Variants in TMCO4 observed in about 807,000 individuals in gnomAD.
The protein encoded by TMCO4 is transmembrane and coiled-coil domains 4.
In TMCO4, 58 loss-of-function variants were observed where a neutral mutation model predicts 64.7. The observed-to-expected ratio is 0.90, with a 90% confidence interval of 0.73 to 1.12. The LOEUF is 1.12. Ranked by LOEUF, TMCO4 falls within the 50% of genes most tolerant of loss-of-function variation. TMCO4 has a pLI of 0.00. For missense variants in TMCO4, 780 were observed against 825.9 expected, an observed-to-expected ratio of 0.94 and a Z score of 0.68; for synonymous variants, 325 against 346.1, an observed-to-expected ratio of 0.94 and a Z score of 0.68.
At chr1:19,755,316 G>T (rs533165969) in intron 7 of TMCO4, among the ~76,000 whole-genome samples, 3 of 152,276 alleles carry the variant, frequency 2.0e-5, no homozygotes, top group South Asian at 4.1e-4. Context: ...AGTAGAGATG[G>T]GGTTTTATCA....
intron 6 of TMCO4, among the ~76,000 whole-genome samples, chr1:19,764,530 A>T (rs1449616928): frequency 6.6e-6 from 1 of 152,230 alleles, no homozygotes; most frequent in African/African-American, 2.4e-5. Context: ...TAGATGGACC[A>T]GGCTGTTTGG....
chr1:19,784,327 A>T (rs2043626514), intron 3 of TMCO4, among the ~76,000 whole-genome samples: 1 of 152,164 alleles, frequency 6.6e-6, no homozygotes, highest in Admixed American at 6.6e-5. Flanking sequence ...TGAGGTCAAG[A>T]GTTTGAGACC....
At chr1:19,726,134 A>G (rs2095407871) in intron 13 of TMCO4, among the ~76,000 whole-genome samples, 1 of 152,224 alleles carries the variant, frequency 6.6e-6, no homozygotes, top group Non-Finnish European at 1.5e-5. Context: ...GTGCCTGGTG[A>G]TCGTGAGTGT....
At chr1:19,740,498 C>T (rs939058671) in intron 11 of TMCO4, among the ~76,000 whole-genome samples, 4 of 152,204 alleles carry the variant, frequency 2.6e-5, no homozygotes, top group African/African-American at 7.2e-5. Flanking sequence ...CAACTCCAGC[C>T]TCCTGAGCTA....
chr1:19,763,358 G>A (rs996310857), intron 6 of TMCO4, among the ~76,000 whole-genome samples: 4 of 152,204 alleles, frequency 2.6e-5, no homozygotes, highest in South Asian at 2.1e-4. Flanking sequence ...TGTTACAGGC[G>A]TGAGCCACCA....
In TMCO4 at chr1:19,771,430, C is replaced by T. The variant is rs763771296; in HGVS notation, c.232G>A (p.Glu78Lys). ...GCAGTCATGGTTGGCAAGACAGCTT[C>T]AGACAACTCCAGCCACTGCACCAGG... is the stretch of plus-strand genomic sequence containing the variant. ...AGLVQWLELS[E>K]AVLPTMTAFA... is the part of the protein sequence containing the mutation. Residue 78 changes from glutamate (E) to lysine (K), a missense_variant, in exon 5 of 16, where the codon GAA becomes AAA. Coordinates refer to ENST00000294543, the MANE Select transcript of TMCO4 (RefSeq NM_181719.7). 1 of 1,614,144 alleles carries T rather than the reference C, an allele frequency of 6.2e-7. No homozygotes were observed. The highest frequency in any genetic ancestry group is 8.5e-7 in the Non-Finnish European group (1 of 1,180,014).
At chr1:19,798,323 C>T (rs2044434763) in intron 1 of TMCO4, 108 bp from the exon 2 acceptor site, 1 of 152,460 alleles carries the variant, frequency 6.6e-6, no homozygotes, top group African/African-American at 2.4e-5. Flanking sequence ...CCTTTGTAGC[C>T]CAGTGGTACC....
At chr1:19,790,415 T>A (rs1044628540) in intron 2 of TMCO4, among the ~76,000 whole-genome samples, 1 of 152,000 alleles carries the variant, frequency 6.6e-6, no homozygotes, top group African/African-American at 2.4e-5. Context: ...TTGCAATCTA[T>A]CCATCTGATA....
intron 13 of TMCO4, among the ~76,000 whole-genome samples, chr1:19,704,725 C>T (rs1196653382): frequency 6.6e-6 from 1 of 152,148 alleles, no homozygotes; most frequent in Non-Finnish European, 1.5e-5. Context: ...CCCTTGTGGC[C>T]AGCGGTGGTA....
rs376557023 is a variant in TMCO4 at position 19,740,958 on chromosome 1, T to C, written c.878-17A>G. ...TGAAGGTGCCTGGGGAGATCACAGGTAGGTGAAGTCTCTCTTGTCTATGGC... is the reference window on the plus strand; with the variant it reads ...TGAAGGTGCCTGGGGAGATCACAGGCAGGTGAAGTCTCTCTTGTCTATGGC... On this transcript the variant is annotated splice_polypyrimidine_tract_variant and intron_variant, in intron 10 of 15. Transcript: ENST00000294543. The C allele has an allele frequency of 3.2e-6, 5 of 1,586,200 alleles. No homozygotes were observed. The highest frequency in any genetic ancestry group is 1.3e-5 in the African/African-American group (1 of 74,254).
At chr1:19,790,676 G>A (rs909819767) in intron 2 of TMCO4, among the ~76,000 whole-genome samples, 1 of 152,206 alleles carries the variant, frequency 6.6e-6, no homozygotes, top group African/African-American at 2.4e-5. Flanking sequence ...TGGCAAGGCT[G>A]CAGAGAAATA....
At chr1:19,746,662 C>T (rs188521967) in intron 8 of TMCO4, 63 bp from the exon 9 acceptor site, 24 of 1,538,818 alleles carry the variant, frequency 1.6e-5, no homozygotes, top group African/African-American at 1.4e-4. Flanking sequence ...CGGTGGCTCA[C>T]GCCTGTAATC....
Position 19,746,478 on chromosome 1 carries a change from A to C in TMCO4, c.735T>G (p.Gly245=), listed in dbSNP as rs2041785916. The C allele has an allele frequency of 1.2e-6, 2 of 1,613,322 alleles. No individual in the cohort carries two copies. Among genetic ancestry groups the C allele is most frequent in the Admixed American group, 1.7e-5 (1 of 59,898 alleles). ...TACCTGTCAGGCCAGCTCCAGCTGC[A>C]CCAAACAGCGAGGTCATGATGGCTA... ...AGIAIMTSLF[G]AAGAGLTGYK... Residue 245 remains glycine, a synonymous_variant, in exon 9 of 16, where the codon GGT becomes GGG. Transcript: ENST00000294543.
At chr1:19,709,192 T>G (rs1159116783) in intron 13 of TMCO4, among the ~76,000 whole-genome samples, 1 of 152,152 alleles carries the variant, frequency 6.6e-6, no homozygotes, top group Non-Finnish European at 1.5e-5. Flanking sequence ...GGATGAATTC[T>G]TTAAGGGAAT....
Position 19,740,710 on chromosome 1 carries a change from T to C in TMCO4, c.1042+67A>G, listed in dbSNP as rs2095475280. 10 of 1,529,064 alleles carry C rather than the reference T, an allele frequency of 6.5e-6. 1 individual carries two copies. In the South Asian group the frequency reaches 8.8e-5, roughly 14 times the overall value. 94.7% of individuals were successfully genotyped at this position (1,529,064 alleles called of 1,614,324 possible). The stretch of plus-strand genomic sequence containing the variant: ...TGGGGGCTTTGGGCATGCAAAACTA[T>C]GGTACCACTGTGTTGGGATGAAGGC... On this transcript the variant is annotated intron_variant, in intron 11 of 15. Transcript: ENST00000294543.
intron 4 of TMCO4, among the ~76,000 whole-genome samples, chr1:19,772,433 C>T (rs2043027947): frequency 6.6e-6 from 1 of 152,144 alleles, no homozygotes; most frequent in Admixed American, 6.5e-5. Flanking sequence ...CAGGAGTCCC[C>T]AGGGGAGGAT....
chr1:19,775,355 GCATGAGGC>G (rs1490378416), intron 4 of TMCO4, among the ~76,000 whole-genome samples: 2 of 152,170 alleles, frequency 1.3e-5, no homozygotes, highest in East Asian at 3.9e-4. Context: ...GGGACTACAG[GCATGAGGC>G]ACCGCGCCTG....
chr1:19,731,944 AG>A (rs1199969214), intron 13 of TMCO4, among the ~76,000 whole-genome samples: 1 of 152,140 alleles, frequency 6.6e-6, no homozygotes, highest in African/African-American at 2.4e-5. Flanking sequence ...GGAAAGAAAA[AG>A]GAAAACTGGG....
rs139243859 is a variant in TMCO4 at position 19,721,743 on chromosome 1, T to C, written c.1264+15629A>G. On this transcript the variant is annotated intron_variant, in intron 13 of 15. Transcript: ENST00000294543. Reference sequence around the variant, plus strand: ...GAAAGAGGCTGCAGTGAGTTGAAATTGTGCCACCGCACTCCAGCCTGGGTG... The same window carrying C: ...GAAAGAGGCTGCAGTGAGTTGAAATCGTGCCACCGCACTCCAGCCTGGGTG... Among the ~76,000 whole-genome samples the C allele has an allele frequency of 5.3e-3, 807 of 152,088 alleles. 4 individuals carry two copies. The highest frequency in any genetic ancestry group is 0.018 in the African/African-American group (759 of 41,468).
Sources: gnomAD v4.1 joint callset for allele counts (sites outside exome capture counted in the v4.1 genomes callset) on GRCh38, gnomAD v4.1.1 for gene constraint, MANE v1.5 for transcripts, NCBI Gene and HGNC (gene_info 2026-07-23, HGNC 2026-07-21) for gene names.